Variants in GRM7 observed in about 807,000 individuals in gnomAD.
GRM7 encodes glutamate metabotropic receptor 7.
A neutral mutation model predicts 84.5 loss-of-function variants in GRM7; 35 were observed. The observed-to-expected ratio is 0.41, with a 90% CI of 0.32 to 0.55. The LOEUF (loss-of-function observed/expected upper bound fraction) is 0.55. GRM7 is among the 20% of genes least tolerant of loss of function. The pLI, the probability that GRM7 is intolerant of heterozygous loss-of-function variation, is 0.19. For synonymous variants in GRM7, 487 were observed against 455.1 expected (o/e 1.07, Z -0.89); for missense variants, 1,003 against 1,194.6 (o/e 0.84, Z 2.36).
intron 1 of GRM7, among the ~76,000 whole-genome samples, chr3:7,081,795 G>A (rs1485029529): frequency 6.6e-6 from 1 of 152,054 alleles, no homozygotes; most frequent in African/African-American, 2.4e-5. Context: ...TTGCTGAAAT[G>A]GAAAATGTTT....
At chr3:7,119,021 T>C (rs1693132973) in intron 1 of GRM7, among the ~76,000 whole-genome samples, 1 of 152,124 alleles carries the variant, frequency 6.6e-6, no homozygotes, top group Non-Finnish European at 1.5e-5. Flanking sequence ...ATTTCTTGGG[T>C]TTAAAGCGTA....
chr3:6,997,511 T>C (rs1694865482), intron 1 of GRM7, among the ~76,000 whole-genome samples: 1 of 152,098 alleles, frequency 6.6e-6, no homozygotes, highest in Non-Finnish European at 1.5e-5. Flanking sequence ...AGCCATCAGA[T>C]CTTGTGAGAA....
intron 1 of GRM7, among the ~76,000 whole-genome samples, chr3:7,012,931 G>A (rs1188673477): frequency 6.6e-6 from 1 of 152,016 alleles, no homozygotes; most frequent in African/African-American, 2.4e-5. Context: ...GTAGAGACAG[G>A]GTCTCAGTAT....
chr3:7,611,789 G>A (rs78462613), intron 8 of GRM7, among the ~76,000 whole-genome samples: 1,836 of 152,158 alleles, frequency 0.012, 19 homozygotes, highest in Non-Finnish European at 0.018. Flanking sequence ...ACCTACATAT[G>A]CCCATTAAAG....
chr3:7,654,871 A>G (rs1559467335), intron 8 of GRM7, among the ~76,000 whole-genome samples: 1 of 152,238 alleles, frequency 6.6e-6, no homozygotes, highest in Non-Finnish European at 1.5e-5. Context: ...GGTGGCCCAC[A>G]CATATATTTT....
chr3:7,172,816 A>G (rs1695028706), intron 2 of GRM7, among the ~76,000 whole-genome samples: 2 of 152,054 alleles, frequency 1.3e-5, no homozygotes, highest in African/African-American at 4.8e-5. Context: ...TGGATGTTTA[A>G]TAGACATATA....
chr3:7,415,289 G>T, intron 5 of GRM7, 126 bp downstream of exon 5: 3 of 791,786 alleles, frequency 3.8e-6, no homozygotes, highest in Non-Finnish European at 6.1e-6. Context: ...TTACTAGATT[G>T]TTCAGAAAAT....
intron 1 of GRM7, among the ~76,000 whole-genome samples, chr3:7,098,531 T>A (rs574909858): frequency 6.6e-6 from 1 of 152,022 alleles, no homozygotes; most frequent in South Asian, 2.1e-4. Flanking sequence ...ATTAACTTCA[T>A]ATATCACTTG....
chr3:7,088,740 G>A (rs933382334), intron 1 of GRM7, among the ~76,000 whole-genome samples: 12 of 139,718 alleles, frequency 8.6e-5, no homozygotes, highest in Admixed American at 1.4e-4. Context: ...GCAGGGGTAA[G>A]AGGCTTGTGT....
At position 7,322,433 on chromosome 3, in the gene GRM7, GT is replaced by G. The variant is rs563098674; in HGVS notation, c.1033+15790del. Reference sequence around the variant, plus strand: ...TATTTCAGTAGTTTTTGGGGAACAGGTTTTTTTTTGTTGTTGTTACATGGAT... The same window carrying G: ...TATTTCAGTAGTTTTTGGGGAACAGGTTTTTTTTGTTGTTGTTACATGGAT... On this transcript the variant is annotated intron_variant, in intron 4 of 9. Transcript: ENST00000357716. Among the ~76,000 whole-genome samples, 742 of 150,894 alleles carry G rather than the reference GT, an allele frequency of 4.9e-3. 6 individuals carry two copies. Among genetic ancestry groups the G allele is most frequent in the African/African-American group, 0.017 (702 of 41,174 alleles).
At chr3:7,224,311 C>G (rs571876929) in intron 2 of GRM7, among the ~76,000 whole-genome samples, 3 of 152,178 alleles carry the variant, frequency 2.0e-5, no homozygotes, top group African/African-American at 7.2e-5. Context: ...TTTTAAACAA[C>G]TAGAACTCAT....
At chr3:7,673,689 G>C (rs1700020109) in intron 8 of GRM7, among the ~76,000 whole-genome samples, 1 of 152,296 alleles carries the variant, frequency 6.6e-6, no homozygotes, top group East Asian at 1.9e-4. Flanking sequence ...GCAGGAGGTT[G>C]ATTGTAAAAC....
At chr3:6,939,790 A>G (rs1476089066) in intron 1 of GRM7, among the ~76,000 whole-genome samples, 1 of 152,150 alleles carries the variant, frequency 6.6e-6, no homozygotes, top group Non-Finnish European at 1.5e-5. Flanking sequence ...TCAGCAGGCT[A>G]AGGATGTTTT....
chr3:7,064,197 A>C (rs1697536977), intron 1 of GRM7, among the ~76,000 whole-genome samples: 1 of 150,896 alleles, frequency 6.6e-6, no homozygotes, highest in Non-Finnish European at 1.5e-5. Flanking sequence ...ACCCATCTAT[A>C]CACTATACTA....
chr3:7,133,976 G>T (rs917165156), intron 1 of GRM7, among the ~76,000 whole-genome samples: 4 of 152,120 alleles, frequency 2.6e-5, no homozygotes, highest in Non-Finnish European at 5.9e-5. Context: ...CTAATCTACA[G>T]ATGATCTCAG....
chr3:7,523,217 C>T (rs568919407), intron 7 of GRM7, among the ~76,000 whole-genome samples: 1 of 152,292 alleles, frequency 6.6e-6, no homozygotes, highest in African/African-American at 2.4e-5. Flanking sequence ...TGATAAGGTA[C>T]TATCATCATT....
chr3:7,313,388 C>T (rs1700475401), intron 4 of GRM7, among the ~76,000 whole-genome samples: 1 of 152,150 alleles, frequency 6.6e-6, no homozygotes, highest in African/African-American at 2.4e-5. Flanking sequence ...AGCTGTCAAA[C>T]CAGTCCTGGA....
chr3:7,086,931 A>C (rs1698477810), intron 1 of GRM7, among the ~76,000 whole-genome samples: 1 of 152,130 alleles, frequency 6.6e-6, no homozygotes, highest in South Asian at 2.1e-4. Flanking sequence ...GTCTAATTCC[A>C]ATTTCATTTT....
intron 4 of GRM7, among the ~76,000 whole-genome samples, chr3:7,404,211 C>G (rs1196635759): frequency 6.6e-6 from 1 of 152,158 alleles, no homozygotes; most frequent in African/African-American, 2.4e-5. Context: ...GGGCTCTATA[C>G]AAATCAGTAG....
Sources: gnomAD v4.1 joint callset for allele counts (sites outside exome capture counted in the v4.1 genomes callset) on GRCh38, gnomAD v4.1.1 for gene constraint, MANE v1.5 for transcripts, NCBI Gene and HGNC (gene_info 2026-07-23, HGNC 2026-07-21) for gene names.